Variants in SLC9A9 observed in about 807,000 individuals in gnomAD.
SLC9A9 encodes sodium/hydrogen exchanger 9.
SLC9A9 carries 62 observed loss-of-function variants against 77.8 expected under a neutral mutation model. That is an observed-to-expected ratio of 0.80 (90% CI 0.65 to 0.98). The LOEUF is 0.98. Among genes scored for constraint, SLC9A9 ranks in the 50% least tolerant of loss-of-function variants. The pLI is 0.00. For synonymous variants in SLC9A9, 320 were observed against 283.5 expected (o/e 1.13, Z -1.29); for missense variants, 775 against 774.9 (o/e 1.00, Z 0.00).
At chr3:143,719,408 A>T (rs1341198504) in intron 4 of SLC9A9, among the ~76,000 whole-genome samples, 1 of 152,120 alleles carries the variant, frequency 6.6e-6, no homozygotes, top group Non-Finnish European at 1.5e-5. Context: ...CTGTGTCTTT[A>T]ATAAAAATCC....
chr3:143,501,889 C>T (rs1284804728), intron 9 of SLC9A9, among the ~76,000 whole-genome samples: 1 of 150,714 alleles, frequency 6.6e-6, no homozygotes, highest in Non-Finnish European at 1.5e-5. Flanking sequence ...ACAGCAAGGC[C>T]AGCTGACAGA....
intron 4 of SLC9A9, among the ~76,000 whole-genome samples, chr3:143,773,640 A>G (rs2007600019): frequency 6.6e-6 from 1 of 152,026 alleles, no homozygotes; most frequent in Non-Finnish European, 1.5e-5. Flanking sequence ...ATGCTCCACC[A>G]TGCCCAGCTA....
intron 5 of SLC9A9, among the ~76,000 whole-genome samples, chr3:143,652,682 C>T (rs2108749124): frequency 6.6e-6 from 1 of 151,962 alleles, no homozygotes; most frequent in African/African-American, 2.4e-5. Flanking sequence ...CCCAAACACA[C>T]TGTGTAGTTT....
At chr3:143,429,493 A>G (rs1445178525) in intron 12 of SLC9A9, among the ~76,000 whole-genome samples, 1 of 152,214 alleles carries the variant, frequency 6.6e-6, no homozygotes, top group Non-Finnish European at 1.5e-5. Context: ...GTCTATTTGT[A>G]AGGAGCAGAG....
chr3:143,363,610 A>G lies in SLC9A9; in HGVS notation c.1525-47T>C, dbSNP rs777915354. ...AGGCATTGGGTAAATAGTCAAAAAG[A>G]TTTTAATATAAAAATACATGTCAAA... On this transcript the variant is annotated intron_variant, in intron 13 of 15. Coordinates refer to ENST00000316549, the MANE Select transcript of SLC9A9 (RefSeq NM_173653.4). The G allele has an allele frequency of 5.9e-6, 9 of 1,524,264 alleles. No individual in the cohort carries two copies. The Admixed American group carries it at 1.0e-4, about 17-fold the overall frequency. 94.4% of individuals were successfully genotyped at this position (1,524,264 alleles called of 1,614,324 possible).
intron 12 of SLC9A9, among the ~76,000 whole-genome samples, chr3:143,402,450 T>TG (rs200549198): frequency 8.1e-6 from 1 of 123,454 alleles, no homozygotes. Flanking sequence ...CCTTTGTGTT[T>TG]TTTTTTTTTT....
At chr3:143,346,567 C>T (rs922617999) in intron 14 of SLC9A9, among the ~76,000 whole-genome samples, 19 of 152,050 alleles carry the variant, frequency 1.2e-4, no homozygotes, top group African/African-American at 4.3e-4. Context: ...CGGGGGGGAT[C>T]ACTTGAGGTC....
intron 6 of SLC9A9, among the ~76,000 whole-genome samples, chr3:143,619,434 T>A (rs1320739773): frequency 6.6e-6 from 1 of 152,212 alleles, no homozygotes. Flanking sequence ...AAATGGGATT[T>A]TCAAATTTGC....
intron 9 of SLC9A9, among the ~76,000 whole-genome samples, chr3:143,516,066 G>T (rs1238977507): frequency 6.6e-6 from 1 of 152,108 alleles, no homozygotes; most frequent in African/African-American, 2.4e-5. Flanking sequence ...AGATTGCAGG[G>T]CTATTTAGGG....
chr3:143,745,968 T>C (rs1935188525), intron 4 of SLC9A9, among the ~76,000 whole-genome samples: 1 of 152,156 alleles, frequency 6.6e-6, no homozygotes, highest in African/African-American at 2.4e-5. Context: ...CAAGGAAAAC[T>C]ACAGGAGTAA....
chr3:143,425,163 T>TTAA (rs1290311350), intron 12 of SLC9A9, among the ~76,000 whole-genome samples: 1 of 152,144 alleles, frequency 6.6e-6, no homozygotes, highest in East Asian at 1.9e-4. Flanking sequence ...TAGAGGGTTA[T>TTAA]ATATATCGAT....
intron 4 of SLC9A9, among the ~76,000 whole-genome samples, chr3:143,723,425 A>G (rs1934554877): frequency 1.3e-5 from 2 of 152,176 alleles, no homozygotes; most frequent in African/African-American, 4.8e-5. Context: ...AGAGGCCAGG[A>G]TGGTGATGGA....
chr3:143,802,880 A>G (rs1267795412), intron 2 of SLC9A9, among the ~76,000 whole-genome samples: 1 of 152,038 alleles, frequency 6.6e-6, no homozygotes, highest in Admixed American at 6.5e-5. Flanking sequence ...TTTTATACGG[A>G]CGCACTTTCT....
At position 143,795,006 on chromosome 3, in the gene SLC9A9, G is replaced by C. The variant is rs1428513830; in HGVS notation, c.528C>G (p.Val176=). Residue 176 remains valine, a synonymous_variant, in exon 4 of 16, where the codon GTC becomes GTG. Coordinates refer to ENST00000316549, the MANE Select transcript of SLC9A9 (RefSeq NM_173653.4). ...AFLGTAISCI[V]IGLIMYGFVK... is the part of the protein sequence containing the mutation. ...GAGCTCCGAATGTCACTTACCCTAT[G>C]ACGATGCAGGAGATGGCAGTTCCCA... 1 of 1,613,852 alleles carries C rather than the reference G, an allele frequency of 6.2e-7. No homozygotes were observed. The highest frequency in any genetic ancestry group is 1.3e-5 in the African/African-American group (1 of 74,984).
At chr3:143,671,069 A>C (rs925217676) in intron 5 of SLC9A9, among the ~76,000 whole-genome samples, 4 of 152,090 alleles carry the variant, frequency 2.6e-5, no homozygotes, top group Non-Finnish European at 5.9e-5. Flanking sequence ...AGTTTTTAGA[A>C]CCTCTGTTGC....
intron 4 of SLC9A9, among the ~76,000 whole-genome samples, chr3:143,694,307 A>G (rs1225786278): frequency 3.9e-5 from 6 of 152,162 alleles, no homozygotes. Context: ...ACCTACCGGC[A>G]TTTAAATCCA....
chr3:143,720,641 G>C (rs909584086), intron 4 of SLC9A9, among the ~76,000 whole-genome samples: 4 of 152,122 alleles, frequency 2.6e-5, no homozygotes, highest in African/African-American at 9.7e-5. Context: ...TAATTGCAAA[G>C]AGCCAGTATC....
At chr3:143,506,378 A>T (rs1336180951) in intron 9 of SLC9A9, among the ~76,000 whole-genome samples, 1 of 152,226 alleles carries the variant, frequency 6.6e-6, no homozygotes, top group Non-Finnish European at 1.5e-5. Flanking sequence ...GACCTATATA[A>T]CTGTTAGAAA....
At chr3:143,353,061 T>G (rs538810573) in intron 14 of SLC9A9, among the ~76,000 whole-genome samples, 88 of 152,314 alleles carry the variant, frequency 5.8e-4, no homozygotes, top group Non-Finnish European at 1.1e-3. Context: ...CCCTGAACTT[T>G]TCACCATTTT....
Sources: allele counts gnomAD v4.1 joint callset (sites outside exome capture counted in the v4.1 genomes callset), GRCh38; gene constraint gnomAD v4.1.1; transcripts MANE v1.5; gene names NCBI Gene and HGNC (gene_info 2026-07-23, HGNC 2026-07-21).